Variants in OLFM3 observed in about 807,000 individuals in gnomAD.
OLFM3 encodes the protein olfactomedin 3, also known as noelin-3.
In OLFM3, 20 loss-of-function variants were observed where a neutral mutation model predicts 48.6. The ratio of observed to expected loss-of-function variants is 0.41; its 90% CI spans 0.29 to 0.60. OLFM3 has a LOEUF of 0.60. Ranked by LOEUF, OLFM3 falls within the 20% of genes least tolerant of loss-of-function variation. The pLI, the probability that OLFM3 is intolerant of heterozygous loss-of-function variation, is 0.28. For synonymous variants in OLFM3, 222 were observed against 198.1 expected, an observed-to-expected ratio of 1.12 and a Z score of -1.01; for missense variants, 437 against 544.3, an observed-to-expected ratio of 0.80 and a Z score of 1.96.
chr1:101,942,468 T>TG (rs768688176), intron 1 of OLFM3, among the ~76,000 whole-genome samples: 22 of 152,220 alleles, frequency 1.4e-4, no homozygotes, highest in African/African-American at 1.9e-4. Flanking sequence ...ATATTCATAC[T>TG]GGGGGAAAAG....
intron 1 of OLFM3, among the ~76,000 whole-genome samples, chr1:101,929,686 C>T (rs1463902158): frequency 6.6e-6 from 1 of 152,070 alleles, no homozygotes; most frequent in Non-Finnish European, 1.5e-5. Flanking sequence ...TAGTCCAGTT[C>T]AAACTTTCTG....
Position 101,838,297 on chromosome 1 carries a change from G to C in OLFM3, c.70-1272C>G, listed in dbSNP as rs570279567. On this transcript the variant is annotated intron_variant, in intron 1 of 5. Coordinates refer to ENST00000370103, the MANE Select transcript of OLFM3 (RefSeq NM_058170.4). ...TGGTCTTGAATTCCTAGGCTCATGT[G>C]ATCCAACCGCCTCGGCCTCCCAAAG... Among the ~76,000 whole-genome samples the C allele has an allele frequency of 1.3e-4, 20 of 152,268 alleles. No homozygotes were observed. In the South Asian group the frequency reaches 4.2e-3, roughly 32 times the overall value.
intron 1 of OLFM3, among the ~76,000 whole-genome samples, chr1:101,916,022 A>G (rs1319088378): frequency 6.6e-6 from 1 of 152,160 alleles, no homozygotes; most frequent in Non-Finnish European, 1.5e-5. Flanking sequence ...AATTGACACA[A>G]AAAGACCGAA....
At chr1:101,963,320 C>T (rs1322680395) in intron 1 of OLFM3, among the ~76,000 whole-genome samples, 1 of 152,198 alleles carries the variant, frequency 6.6e-6, no homozygotes, top group Non-Finnish European at 1.5e-5. Context: ...TCAGCTTTTC[C>T]CTTGACCTCT....
At chr1:101,918,184 T>C (rs1658983681) in intron 1 of OLFM3, among the ~76,000 whole-genome samples, 1 of 152,152 alleles carries the variant, frequency 6.6e-6, no homozygotes, top group Non-Finnish European at 1.5e-5. Flanking sequence ...ATGAAGGACA[T>C]CACAACTTGT....
rs116718598 is a variant in OLFM3 at position 101,965,320 on chromosome 1, G to C, written c.69+31428C>G. Among the ~76,000 whole-genome samples, 174 of 152,280 alleles carry C rather than the reference G, an allele frequency of 1.1e-3. 1 individual carries two copies. Among genetic ancestry groups the C allele is most frequent in the African/African-American group, 3.9e-3 (164 of 41,556 alleles). On this transcript the variant is annotated intron_variant, in intron 1 of 5. Coordinates refer to ENST00000370103, the MANE Select transcript of OLFM3 (RefSeq NM_058170.4). ...TAAAATGTTGTAGAATTAAAATGCG[G>C]GCTGCAGAATAGGACAAAGATTTCG...
intron 1 of OLFM3, among the ~76,000 whole-genome samples, chr1:101,842,355 G>A (rs1210896481): frequency 6.6e-6 from 1 of 152,006 alleles, no homozygotes; most frequent in African/African-American, 2.4e-5. Context: ...GCAGCATAAT[G>A]AGACCCCCTC....
At chr1:101,850,766 G>A (rs887494495) in intron 1 of OLFM3, among the ~76,000 whole-genome samples, 1 of 152,110 alleles carries the variant, frequency 6.6e-6, no homozygotes, top group East Asian at 1.9e-4. Context: ...AACAGTAGAA[G>A]CTTTAAGAAG....
rs560885912 is a variant in OLFM3 at position 101,829,883 on chromosome 1, G to A, written c.372+789C>T. 1.5e-4 allele frequency among the ~76,000 whole-genome samples: 22 copies of A among 151,444 alleles called. No individual in the cohort carries two copies. The East Asian group carries it at 3.9e-3, about 27-fold the overall frequency. ...GGAGTCTCTCTCTGTTGCCCAGGCT[G>A]GAGTGCAGTGGCGCTGTCTCGGCTC... On this transcript the variant is annotated intron_variant, in intron 3 of 5. Coordinates refer to ENST00000370103, the MANE Select transcript of OLFM3 (RefSeq NM_058170.4).
At chr1:101,846,243 T>A (rs1328454705) in intron 1 of OLFM3, among the ~76,000 whole-genome samples, 2 of 152,194 alleles carry the variant, frequency 1.3e-5, no homozygotes, top group Non-Finnish European at 2.9e-5. Context: ...TCATAAAATA[T>A]TAAAAATACA....
chr1:101,885,494 A>G (rs1297198025), intron 1 of OLFM3, among the ~76,000 whole-genome samples: 2 of 152,026 alleles, frequency 1.3e-5, no homozygotes, highest in Admixed American at 6.6e-5. Flanking sequence ...AGGTACATGG[A>G]GAGTGCCTGC....
intron 1 of OLFM3, among the ~76,000 whole-genome samples, chr1:101,927,781 T>A (rs971991602): frequency 1.3e-5 from 2 of 149,402 alleles, no homozygotes; most frequent in African/African-American, 4.9e-5. Context: ...AAAAATATTA[T>A]AAATATTTTT....
At chr1:101,949,847 G>A (rs779377686) in intron 1 of OLFM3, among the ~76,000 whole-genome samples, 52 of 147,626 alleles carry the variant, frequency 3.5e-4, no homozygotes, top group Non-Finnish European at 6.4e-4. Flanking sequence ...CGAGAATGGC[G>A]TAAACCCGGG....
At chr1:101,829,830 T>C (rs1655055575) in intron 3 of OLFM3, among the ~76,000 whole-genome samples, 1 of 144,116 alleles carries the variant, frequency 6.9e-6, no homozygotes, top group African/African-American at 2.5e-5. Context: ...AGACCAAGAG[T>C]TTTTTCTTTT....
At chr1:101,990,523 T>C (rs1351817706) in intron 1 of OLFM3, among the ~76,000 whole-genome samples, 1 of 152,218 alleles carries the variant, frequency 6.6e-6, no homozygotes, top group Non-Finnish European at 1.5e-5. Flanking sequence ...TTCATTGTTA[T>C]GAAAACTGAG....
intron 1 of OLFM3, among the ~76,000 whole-genome samples, chr1:101,853,247 A>G (rs1411342662): frequency 6.6e-6 from 1 of 151,984 alleles, no homozygotes. Flanking sequence ...TCAGAGATGC[A>G]AGGCAATCTT....
At chr1:101,885,406 G>A (rs920313456) in intron 1 of OLFM3, among the ~76,000 whole-genome samples, 1 of 151,940 alleles carries the variant, frequency 6.6e-6, no homozygotes, top group Non-Finnish European at 1.5e-5. Flanking sequence ...GATGGAAAAA[G>A]GATTGGTACC....
chr1:101,971,283 T>C (rs1660797113), intron 1 of OLFM3, among the ~76,000 whole-genome samples: 1 of 152,094 alleles, frequency 6.6e-6, no homozygotes, highest in African/African-American at 2.4e-5. Flanking sequence ...GACACGGGGA[T>C]TGGTGATTGC....
intron 1 of OLFM3, among the ~76,000 whole-genome samples, chr1:101,855,839 G>C (rs1170835000): frequency 1.3e-5 from 2 of 152,080 alleles, no homozygotes; most frequent in East Asian, 3.8e-4. Flanking sequence ...TTGGGAAATT[G>C]CCTGGTGATC....
Sources: allele counts gnomAD v4.1 joint callset (sites outside exome capture counted in the v4.1 genomes callset), GRCh38; gene constraint gnomAD v4.1.1; transcripts MANE v1.5; gene names NCBI Gene and HGNC (gene_info 2026-07-23, HGNC 2026-07-21).